Variants in SH3PXD2A observed in about 807,000 individuals in gnomAD.
SH3PXD2A encodes SH3 and PX domain-containing protein 2A.
A neutral mutation model predicts 115.2 loss-of-function variants in SH3PXD2A; 32 were observed. The observed-to-expected ratio is 0.28, with a 90% CI of 0.21 to 0.37. The LOEUF (loss-of-function observed/expected upper bound fraction) is 0.37, where lower values mean the gene tolerates loss of function less well. Ranked by LOEUF, SH3PXD2A falls within the 10% of genes least tolerant of loss-of-function variation. SH3PXD2A has a pLI of 1.00. For synonymous variants in SH3PXD2A, 610 were observed against 629.1 expected (o/e 0.97, Z 0.45); for missense variants, 1,328 against 1,498.7 (o/e 0.89, Z 1.88).
Position 103,764,744 on chromosome 10 carries a change from G to A in SH3PXD2A, c.229+2350C>T, listed in dbSNP as rs139094791. ...GTCCTGTGGCAGCTATTGTGTTCTC[G>A]GCACCTGGGCAGCTGATGTGGAAGG... On this transcript the variant is annotated intron_variant, in intron 3 of 14. Coordinates refer to ENST00000369774, the MANE Select transcript of SH3PXD2A (RefSeq NM_001394015.1). 5.1e-3 allele frequency among the ~76,000 whole-genome samples: 770 copies of A among 152,222 alleles called. 4 individuals carry two copies. Among genetic ancestry groups the A allele is most frequent in the Middle Eastern group, 0.024 (7 of 294 alleles).
intron 1 of SH3PXD2A, among the ~76,000 whole-genome samples, chr10:103,804,315 T>TTA (rs1491498849): frequency 6.3e-5 from 1 of 15,924 alleles, no homozygotes; most frequent in African/African-American, 2.1e-4. Context: ...TGACATCATC[T>TTA]TTTTTTTTTT....
In SH3PXD2A at chr10:103,709,152, G is replaced by A. The variant is rs115652196; in HGVS notation, c.398+15118C>T. Among the ~76,000 whole-genome samples the A allele has an allele frequency of 4.8e-3, 727 of 152,108 alleles. 7 individuals are homozygous for A. Among genetic ancestry groups the A allele is most frequent in the African/African-American group, 0.017 (706 of 41,490 alleles). ...TGTCCATCAGCCAGGCTCCTACTGG[G>A]ATCTTCTCAAGGGCTCAACTCAGGC... On this transcript the variant is annotated intron_variant, in intron 5 of 14. Coordinates refer to ENST00000369774, the MANE Select transcript of SH3PXD2A (RefSeq NM_001394015.1).
In SH3PXD2A at chr10:103,840,963, G is replaced by C. The variant is rs115877235; in HGVS notation, c.72+14232C>G. 4.6e-3 allele frequency among the ~76,000 whole-genome samples: 702 copies of C among 152,274 alleles called. 7 individuals are homozygous for C. The highest frequency in any genetic ancestry group is 0.016 in the African/African-American group (674 of 41,546). ...GCTGTAGGTGAACTAGAGATATCTG[G>C]TTGTCAGGGATACAAATCTACTCTG... On this transcript the variant is annotated intron_variant, in intron 1 of 14. Coordinates refer to ENST00000369774, the MANE Select transcript of SH3PXD2A (RefSeq NM_001394015.1).
chr10:103,697,229 C>T (rs2037835969), intron 5 of SH3PXD2A, among the ~76,000 whole-genome samples: 1 of 152,066 alleles, frequency 6.6e-6, no homozygotes, highest in African/African-American at 2.4e-5. Context: ...AGCACCAAAC[C>T]CCTGGGGTTT....
intron 8 of SH3PXD2A, among the ~76,000 whole-genome samples, chr10:103,633,831 T>C (rs191181924): frequency 1.4e-3 from 206 of 151,190 alleles, no homozygotes; most frequent in African/African-American, 4.6e-3. Flanking sequence ...TTAAATATCT[T>C]AGGGTGAGGA....
At chr10:103,797,959 C>T (rs1487194603) in intron 2 of SH3PXD2A, among the ~76,000 whole-genome samples, 1 of 152,160 alleles carries the variant, frequency 6.6e-6, no homozygotes, top group African/African-American at 2.4e-5. Flanking sequence ...GAAACTGGAT[C>T]TGTATGGCCC....
intron 5 of SH3PXD2A, among the ~76,000 whole-genome samples, chr10:103,715,964 C>T (rs2038100438): frequency 6.6e-6 from 1 of 152,266 alleles, no homozygotes; most frequent in African/African-American, 2.4e-5. Flanking sequence ...GTCCCCCTCA[C>T]TGGACTCCCC....
chr10:103,596,663 A>ACACACACTCTCTCTCTCTCTCT lies in SH3PXD2A; in HGVS notation c.*5152_*5153insAGAGAGAGAGAGAGAGTGTGTG. 24 of 124,510 alleles carry ACACACACTCTCTCTCTCTCTCT rather than the reference A, an allele frequency of 1.9e-4. No individual in the cohort carries two copies. Among genetic ancestry groups the ACACACACTCTCTCTCTCTCTCT allele is most frequent in the African/African-American group, 6.9e-4 (22 of 31,752 alleles). 7.7% of individuals were successfully genotyped at this position (124,510 alleles called of 1,614,324 possible). On this transcript the variant is annotated 3_prime_UTR_variant, in exon 15 of 15. Transcript: ENST00000369774. Reference sequence around the variant, plus strand: ...CACACACACACACACACACACACACACTCTCTCTCTCTCTCTCTCTCTCAC... The same window carrying ACACACACTCTCTCTCTCTCTCT: ...CACACACACACACACACACACACACACACACACTCTCTCTCTCTCTCTCTCTCTCTCTCTCTCTCTCTCTCAC...
At chr10:103,741,790 T>G (rs1027622193) in intron 3 of SH3PXD2A, among the ~76,000 whole-genome samples, 1 of 152,070 alleles carries the variant, frequency 6.6e-6, no homozygotes, top group Non-Finnish European at 1.5e-5. Flanking sequence ...GAAAGGAAGG[T>G]GGGAGGCAGT....
In SH3PXD2A at chr10:103,811,033, G is replaced by A. The variant is rs1399444925; in HGVS notation, c.73-9671C>T. On this transcript the variant is annotated intron_variant, in intron 1 of 14. Coordinates refer to ENST00000369774, the MANE Select transcript of SH3PXD2A (RefSeq NM_001394015.1). ...ACCAAGGCCAGCCTGGGAGAGCAGA[G>A]GAGCAAAAAATAGCTCTGCTGCCCA... 3.3e-5 allele frequency among the ~76,000 whole-genome samples: 5 copies of A among 151,992 alleles called. No individual in the cohort carries two copies. The South Asian group carries it at 8.3e-4, about 25-fold the overall frequency.
At chr10:103,691,043 A>T (rs1159747058) in intron 6 of SH3PXD2A, among the ~76,000 whole-genome samples, 1 of 152,204 alleles carries the variant, frequency 6.6e-6, no homozygotes, top group African/African-American at 2.4e-5. Flanking sequence ...ATTGCTTAGG[A>T]AGCAGCACAG....
intron 5 of SH3PXD2A, among the ~76,000 whole-genome samples, chr10:103,698,124 G>T (rs1186675851): frequency 6.6e-6 from 1 of 152,218 alleles, no homozygotes; most frequent in East Asian, 1.9e-4. Context: ...GCAGGCCCTC[G>T]CTGGGGAATG....
At chr10:103,816,997 A>ATTTTTTTTTTTTTTTTTT (rs56260224) in intron 1 of SH3PXD2A, among the ~76,000 whole-genome samples, 1 of 99,606 alleles carries the variant, frequency 1.0e-5, no homozygotes, top group African/African-American at 3.8e-5. Flanking sequence ...CACCCGGCTA[A>ATTTTTTTTTTTTTTTTTT]TTTTTTTTTT....
At chr10:103,684,696 C>T (rs1425039641) in intron 6 of SH3PXD2A, among the ~76,000 whole-genome samples, 1 of 152,032 alleles carries the variant, frequency 6.6e-6, no homozygotes, top group African/African-American at 2.4e-5. Context: ...GCGGGTCTTG[C>T]TCTAAGCAAA....
intron 2 of SH3PXD2A, among the ~76,000 whole-genome samples, chr10:103,793,440 A>ACTG (rs1318238560): frequency 1.3e-5 from 2 of 152,126 alleles, no homozygotes; most frequent in African/African-American, 4.8e-5. Context: ...ATTTGCTTTG[A>ACTG]CTGCTGTACT....
chr10:103,825,170 G>A (rs533164414), intron 1 of SH3PXD2A, among the ~76,000 whole-genome samples: 1 of 152,246 alleles, frequency 6.6e-6, no homozygotes, highest in East Asian at 1.9e-4. Context: ...CTAGGATTTG[G>A]AGAGGCATTT....
At chr10:103,659,880 G>T (rs938734998) in intron 8 of SH3PXD2A, among the ~76,000 whole-genome samples, 8 of 152,142 alleles carry the variant, frequency 5.3e-5, no homozygotes, top group Non-Finnish European at 1.0e-4. Flanking sequence ...CATCTCCACA[G>T]CTCCTGGCCA....
At chr10:103,742,500 T>C (rs2038455000) in intron 3 of SH3PXD2A, among the ~76,000 whole-genome samples, 2 of 152,210 alleles carry the variant, frequency 1.3e-5, no homozygotes, top group African/African-American at 4.8e-5. Context: ...TAAGGCCAGA[T>C]TCACAGGTTT....
At chr10:103,688,161 G>T (rs2037703185) in intron 6 of SH3PXD2A, among the ~76,000 whole-genome samples, 1 of 152,194 alleles carries the variant, frequency 6.6e-6, no homozygotes, top group South Asian at 2.1e-4. Context: ...CTACCTTTGT[G>T]CATGTGCTCT....
Sources: allele counts gnomAD v4.1 joint callset (sites outside exome capture counted in the v4.1 genomes callset), GRCh38; gene constraint gnomAD v4.1.1; transcripts MANE v1.5; gene names NCBI Gene and HGNC (gene_info 2026-07-23, HGNC 2026-07-21).